Variants in NALCN observed in about 807,000 individuals in gnomAD.
NALCN encodes the protein sodium leak channel, non-selective.
Under a neutral mutation model 225.3 loss-of-function variants are expected in NALCN, and 111 were observed. The ratio of observed to expected loss-of-function variants is 0.49; its 90% confidence interval spans 0.42 to 0.58. The LOEUF (loss-of-function observed/expected upper bound fraction) is 0.58, where lower values mean the gene tolerates loss of function less well. NALCN is among the 20% of genes least tolerant of loss of function. NALCN has a pLI of 0.00. For synonymous variants in NALCN, 764 were observed against 769.0 expected, an observed-to-expected ratio of 0.99 and a Z score of 0.11; for missense variants, 1,378 against 2,202.4, an observed-to-expected ratio of 0.63 and a Z score of 7.49.
chr13:101,403,730 G>A (rs944239851), intron 1 of NALCN, among the ~76,000 whole-genome samples: 2 of 152,142 alleles, frequency 1.3e-5, no homozygotes, highest in Non-Finnish European at 2.9e-5. Flanking sequence ...CATAAACTGT[G>A]GGGTCTTTAG....
rs561770024 is a variant in NALCN, at chr13:101,104,337, G to A, written c.2847C>T (p.Val949=). ...ADGLFFTPTA[V]IRDFGGVMDI... The stretch of plus-strand genomic sequence containing the variant: ...CCATTACTCCACCGAAGTCCCTGAT[G>A]ACAGCAGTTGGAGTGAAAAATAAGC... Residue 949 remains valine, a synonymous_variant, in exon 25 of 44, where the codon GTC becomes GTT. Transcript: ENST00000251127. The surrounding 1 kb of genome is among the most constrained non-coding windows in gnomAD (Gnocchi z 4.2). 3.7e-6 allele frequency: 6 copies of A among 1,613,556 alleles called. No individual in the cohort carries two copies. Among genetic ancestry groups the A allele is most frequent in the Middle Eastern group, 1.7e-4 (1 of 6,054 alleles).
At chr13:101,190,490 T>A (rs2039637820) in intron 14 of NALCN, among the ~76,000 whole-genome samples, 1 of 152,222 alleles carries the variant, frequency 6.6e-6, no homozygotes, top group South Asian at 2.1e-4. Flanking sequence ...CACAGCCAGA[T>A]TCAGCTTTGC....
At chr13:101,124,393 T>C (rs531324725) in intron 18 of NALCN, among the ~76,000 whole-genome samples, 1 of 152,296 alleles carries the variant, frequency 6.6e-6, no homozygotes, top group Admixed American at 6.5e-5. Flanking sequence ...TTTAAATACT[T>C]GAAAGAAAGG....
rs767552218 is a variant in NALCN, at chr13:101,399,106, A to G, written c.21T>C (p.Ser7=). The G allele has an allele frequency of 1.2e-5, 19 of 1,613,258 alleles. 1 individual carries two copies. The South Asian group carries it at 1.8e-4, about 15-fold the overall frequency. MLKRKQ[S]SRVEAQPVTD... ...TGACTGGCTGGGCTTCCACCCTGGAACTCTGCTTCCTTTTGAGCATGCTGA... is the reference window on the plus strand; with the variant it reads ...TGACTGGCTGGGCTTCCACCCTGGAGCTCTGCTTCCTTTTGAGCATGCTGA... The change falls in exon 2 of 44, where the codon AGT becomes AGC. Residue 7 remains serine (S), a synonymous_variant. Coordinates refer to ENST00000251127, the MANE Select transcript of NALCN (RefSeq NM_052867.4).
chr13:101,343,342 C>T (rs1283008946), intron 7 of NALCN, among the ~76,000 whole-genome samples: 2 of 152,016 alleles, frequency 1.3e-5, no homozygotes, highest in Non-Finnish European at 2.9e-5. Flanking sequence ...AATAAGCAAA[C>T]GGATGAAATT....
chr13:101,345,067 C>T (rs1310890262), intron 7 of NALCN, among the ~76,000 whole-genome samples, 199 bp downstream of exon 7: 1 of 152,092 alleles, frequency 6.6e-6, no homozygotes, highest in Admixed American at 6.6e-5. Flanking sequence ...ACACTGCTGC[C>T]CATATACATA....
chr13:101,338,708 C>T lies in NALCN; in HGVS notation c.799+6558G>A, dbSNP rs76043629. Among the ~76,000 whole-genome samples the T allele has an allele frequency of 2.6e-4, 39 of 152,328 alleles. No individual in the cohort carries two copies. In the East Asian group the frequency reaches 7.3e-3, roughly 29 times the overall value. ...ACATCACCTCTGTTTGGATAACGGT[C>T]TTCCCCATCAGCATTTCACTAAAGG... On this transcript the variant is annotated intron_variant, in intron 7 of 43. Transcript: ENST00000251127.
At position 101,346,087 on chromosome 13, in the gene NALCN, C is replaced by CTCTCTCTCTCTCTCTCTATATATA; in HGVS notation, c.645-668_645-667insTATATATAGAGAGAGAGAGAGAGA. Among the ~76,000 whole-genome samples the CTCTCTCTCTCTCTCTCTATATATA allele has an allele frequency of 3.9e-3, 276 of 70,886 alleles. 1 individual carries two copies. Among genetic ancestry groups the CTCTCTCTCTCTCTCTCTATATATA allele is most frequent in the Non-Finnish European group, 5.3e-3 (200 of 37,502 alleles). The allele number at this position is 70,886 out of a possible 152,430, so 46.5% of individuals were successfully genotyped here. On this transcript the variant is annotated intron_variant, in intron 6 of 43. Transcript: ENST00000251127. ...TCTCTCTCTCTCTCTCTCTCTCTCTCTATATATATATATATATATATATAT... is the reference window on the plus strand; with the variant it reads ...TCTCTCTCTCTCTCTCTCTCTCTCTCTCTCTCTCTCTCTCTCTATATATATATATATATATATATATATATATAT...
At chr13:101,192,294 C>T (rs1196008252) in intron 13 of NALCN, among the ~76,000 whole-genome samples, 4 of 152,074 alleles carry the variant, frequency 2.6e-5, no homozygotes, top group African/African-American at 4.8e-5. Flanking sequence ...TAGTTTTGTT[C>T]GCAGTAAATG....
intron 14 of NALCN, among the ~76,000 whole-genome samples, chr13:101,182,522 T>A (rs1566395773): frequency 6.6e-6 from 1 of 152,234 alleles, no homozygotes; most frequent in African/African-American, 2.4e-5. Flanking sequence ...TGTTTAGGCA[T>A]CATTTTTCAA....
intron 3 of NALCN, among the ~76,000 whole-genome samples, chr13:101,391,961 G>A (rs1399234478): frequency 6.6e-6 from 1 of 150,524 alleles, no homozygotes; most frequent in Non-Finnish European, 1.5e-5. Flanking sequence ...TCCAGCCTGG[G>A]TGACAAGAGT....
intron 17 of NALCN, among the ~76,000 whole-genome samples, chr13:101,128,812 C>T (rs758550128): frequency 1.3e-5 from 2 of 152,058 alleles, no homozygotes; most frequent in African/African-American, 4.8e-5. Context: ...ATCCTCCTGC[C>T]GTGGCCTCCC....
chr13:101,316,104 T>C (rs1447113729), intron 7 of NALCN, among the ~76,000 whole-genome samples: 1 of 152,224 alleles, frequency 6.6e-6, no homozygotes, highest in Non-Finnish European at 1.5e-5. Flanking sequence ...AAACTTAGTC[T>C]ATAGACTAAG....
chr13:101,386,791 C>A (rs559915784), intron 3 of NALCN, among the ~76,000 whole-genome samples: 3 of 152,162 alleles, frequency 2.0e-5, no homozygotes, highest in South Asian at 4.1e-4. Flanking sequence ...CTTAGGTACA[C>A]CATAACATTG....
intron 15 of NALCN, among the ~76,000 whole-genome samples, chr13:101,154,505 G>C (rs1210173970): frequency 6.6e-6 from 1 of 152,124 alleles, no homozygotes; most frequent in African/African-American, 2.4e-5. Flanking sequence ...TGTGCACCTT[G>C]CATTTAGTCA....
chr13:101,341,055 T>A (rs2045543574), intron 7 of NALCN, among the ~76,000 whole-genome samples: 1 of 152,170 alleles, frequency 6.6e-6, no homozygotes, highest in Non-Finnish European at 1.5e-5. Flanking sequence ...AAAATGTGAA[T>A]GTTAAGAATA....
chr13:101,212,514 T>TTGTTCA (rs763715711), intron 13 of NALCN, among the ~76,000 whole-genome samples: 85 of 152,272 alleles, frequency 5.6e-4, no homozygotes, highest in Non-Finnish European at 1.1e-3. Flanking sequence ...GTGAGTACAT[T>TTGTTCA]TGTTCATGTC....
intron 3 of NALCN, among the ~76,000 whole-genome samples, chr13:101,381,620 C>A (rs1212343768): frequency 6.6e-6 from 1 of 152,088 alleles, no homozygotes; most frequent in African/African-American, 2.4e-5. Context: ...CCCTTACTTC[C>A]TTCTTTCCCT....
intron 6 of NALCN, among the ~76,000 whole-genome samples, chr13:101,374,048 G>A (rs2046614875): frequency 1.3e-5 from 2 of 151,900 alleles, no homozygotes; most frequent in Admixed American, 1.3e-4. Context: ...ATTTTCCAAG[G>A]CTATTTTGAA....
Sources: gnomAD v4.1 joint callset for allele counts (sites outside exome capture counted in the v4.1 genomes callset) on GRCh38, gnomAD v4.1.1 for gene constraint, Gnocchi (gnomAD v3.1) non-coding constraint, MANE v1.5 for transcripts, NCBI Gene and HGNC (gene_info 2026-07-23, HGNC 2026-07-21) for gene names.